The following RYR2 variants were observed in gnomAD, a reference collection of about 807,000 sequenced individuals.
The protein encoded by RYR2 is cardiac muscle ryanodine receptor-calcium release channel.
Under a neutral mutation model 601.1 loss-of-function variants are expected in RYR2, and 227 were observed. That is an observed-to-expected ratio of 0.38 (90% CI 0.34 to 0.42). The LOEUF is 0.42. RYR2 is among the 10% of genes least tolerant of loss of function. The pLI, the probability that RYR2 is intolerant of heterozygous loss-of-function variation, is 1.00. For synonymous variants in RYR2, 2,223 were observed against 2,175.1 expected, an observed-to-expected ratio of 1.02 and a Z score of -0.61; for missense variants, 4,646 against 6,156.5, an observed-to-expected ratio of 0.75 and a Z score of 8.21.
intron 63 of RYR2, among the ~76,000 whole-genome samples, chr1:237,691,139 C>T (rs564202173): frequency 7.5e-4 from 114 of 152,230 alleles, no homozygotes; most frequent in Non-Finnish European, 1.1e-3. Flanking sequence ...TTCACATATT[C>T]CCTGTACTGT....
chr1:237,402,898 C>CCAATAGAGGA (rs1703510969), intron 10 of RYR2, among the ~76,000 whole-genome samples: 1 of 149,048 alleles, frequency 6.7e-6, no homozygotes, highest in Non-Finnish European at 1.5e-5. Context: ...CCCCCTGCTT[C>CCAATAGAGGA]AGCCTCCTGT....
Position 237,780,372 on chromosome 1 carries a change from T to A in RYR2, c.11881-1193T>A, listed in dbSNP as rs572411525. The stretch of plus-strand genomic sequence containing the variant: ...CAAGAGAGTTCTCATCCTGATGTTT[T>A]TCCATCAGGGTATTAACATCTGGTG... On this transcript the variant is annotated intron_variant, in intron 88 of 104. Transcript: ENST00000366574. Among the ~76,000 whole-genome samples, 13 of 152,342 alleles carry A rather than the reference T, an allele frequency of 8.5e-5. 1 individual carries two copies. In the South Asian group the frequency reaches 2.5e-3, roughly 29 times the overall value.
chr1:237,230,024 T>C (rs1684810014), intron 1 of RYR2, among the ~76,000 whole-genome samples: 1 of 152,192 alleles, frequency 6.6e-6, no homozygotes, highest in Admixed American at 6.5e-5. Flanking sequence ...GCAATCTAGA[T>C]TATTTCTTTG....
Position 237,666,564 on chromosome 1 carries a change from A to G in RYR2, c.8489A>G (p.Asn2830Ser). 2 of 1,612,790 alleles carry G rather than the reference A, an allele frequency of 1.2e-6. No homozygotes were observed. Among genetic ancestry groups the G allele is most frequent in the Non-Finnish European group, 1.7e-6 (2 of 1,179,358 alleles). Residue 2830 changes from asparagine (N) to serine (S), a missense_variant, in exon 57 of 105, where the codon AAT becomes AGT. By Grantham distance (46) the Asn-to-Ser change is conservative. Coordinates refer to ENST00000366574, the MANE Select transcript of RYR2 (RefSeq NM_001035.3). ...GYSPRAIDMSNVTLSRDLHAM... is the reference protein window; with the variant it reads ...GYSPRAIDMSSVTLSRDLHAM... ...AGTCCCCGGGCCATTGACATGAGCA[A>G]TGTTACACTATCTAGAGACCTGCAT...
At chr1:237,733,965 T>C (rs1208667240) in intron 79 of RYR2, among the ~76,000 whole-genome samples, 2 of 152,214 alleles carry the variant, frequency 1.3e-5, no homozygotes, top group African/African-American at 4.8e-5. Context: ...AAACATTCAT[T>C]CATTCAACAA....
intron 1 of RYR2, among the ~76,000 whole-genome samples, chr1:237,251,350 A>C (rs1163024439): frequency 6.6e-6 from 1 of 152,158 alleles, no homozygotes; most frequent in Non-Finnish European, 1.5e-5. Flanking sequence ...GCTCCACTGA[A>C]ATGGCCCTTG....
At chr1:237,584,752 C>G (rs925688667) in intron 29 of RYR2, among the ~76,000 whole-genome samples, 45 of 145,330 alleles carry the variant, frequency 3.1e-4, no homozygotes, top group Admixed American at 2.2e-4. Flanking sequence ...TCTTCAACTC[C>G]TGGGCTCAGG....
At chr1:237,548,302 G>T (rs1033772652) in intron 25 of RYR2, 129 bp from the exon 26 acceptor site, 3 of 843,670 alleles carry the variant, frequency 3.6e-6, no homozygotes, top group Non-Finnish European at 5.5e-6. Context: ...TTGCTGTCTG[G>T]TACTTCACCA....
chr1:237,605,765 C>T (rs1204217315), intron 35 of RYR2, among the ~76,000 whole-genome samples: 8 of 152,036 alleles, frequency 5.3e-5, no homozygotes, highest in Admixed American at 5.2e-4. Context: ...CATTCTTATA[C>T]ACCAACAACA....
At chr1:237,391,244 TTTG>T (rs995701396) in intron 10 of RYR2, among the ~76,000 whole-genome samples, 11 of 152,120 alleles carry the variant, frequency 7.2e-5, no homozygotes, top group South Asian at 2.1e-4. Context: ...CCTTTATTTA[TTTG>T]TTATCAGTCT....
intron 101 of RYR2, among the ~76,000 whole-genome samples, chr1:237,820,187 C>CAAAA (rs141962001): frequency 1.4e-5 from 1 of 71,388 alleles, no homozygotes; most frequent in African/African-American, 5.4e-5. Flanking sequence ...AACTCCATCT[C>CAAAA]AAAAAAAAAA....
intron 48 of RYR2, among the ~76,000 whole-genome samples, chr1:237,645,280 C>T (rs1021266657): frequency 2.6e-5 from 4 of 152,270 alleles, no homozygotes; most frequent in East Asian, 3.9e-4. Context: ...AATAATTGAA[C>T]GCCCATTATA....
intron 2 of RYR2, among the ~76,000 whole-genome samples, chr1:237,325,727 AAG>A (rs1193730382): frequency 1.3e-5 from 2 of 152,068 alleles, no homozygotes; most frequent in Non-Finnish European, 2.9e-5. Context: ...ATATTAAAAA[AAG>A]AAAAAGGACT....
chr1:237,305,263 T>C (rs1030116), intron 2 of RYR2, among the ~76,000 whole-genome samples: 69,370 of 151,982 alleles, frequency 0.46, 18,492 homozygotes, highest in East Asian at 0.59. Context: ...AATTGAGCTA[T>C]AGTCATGCAG....
chr1:237,565,567 A>T (rs2779400), intron 27 of RYR2, among the ~76,000 whole-genome samples: 80,155 of 151,882 alleles, frequency 0.53, 23,095 homozygotes, highest in South Asian at 0.65. Context: ...TTAACCAGTA[A>T]CTAGTAACTC....
intron 44 of RYR2, 149 bp downstream of exon 44, chr1:237,635,141 A>G (rs1680745828): frequency 1.8e-6 from 1 of 556,970 alleles, no homozygotes; most frequent in South Asian, 3.1e-5. Flanking sequence ...TTTTGCACCA[A>G]CACAATATGT....
intron 8 of RYR2, among the ~76,000 whole-genome samples, chr1:237,381,496 C>G (rs751907593): frequency 2.6e-5 from 4 of 152,130 alleles, no homozygotes; most frequent in African/African-American, 4.8e-5. Flanking sequence ...CATTTCCAGT[C>G]ATTGATTTTA....
intron 1 of RYR2, among the ~76,000 whole-genome samples, chr1:237,185,351 G>A (rs1322113435): frequency 6.6e-6 from 1 of 152,110 alleles, no homozygotes; most frequent in African/African-American, 2.4e-5. Flanking sequence ...TACAGGCAGT[G>A]TTAACATAAT....
intron 1 of RYR2, among the ~76,000 whole-genome samples, chr1:237,128,723 G>A (rs933953387): frequency 2.0e-5 from 3 of 152,162 alleles, no homozygotes; most frequent in Non-Finnish European, 2.9e-5. Flanking sequence ...GGGATGGGAA[G>A]GACCAAAATA....
Sources: allele counts gnomAD v4.1 joint callset (sites outside exome capture counted in the v4.1 genomes callset), GRCh38; gene constraint gnomAD v4.1.1; transcripts MANE v1.5; gene names NCBI Gene and HGNC (gene_info 2026-07-23, HGNC 2026-07-21).